WWOX: variants seen among roughly 807,000 people sequenced by gnomAD.
WWOX encodes the protein WW domain-containing oxidoreductase.
WWOX carries 69 observed loss-of-function variants against 46.2 expected under a neutral mutation model. The observed-to-expected ratio is 1.49, with a 90% CI of 1.23 to 1.82. The LOEUF (loss-of-function observed/expected upper bound fraction) is 1.82. WWOX is among the 40% of genes most tolerant of loss of function. The pLI is 0.00. For missense variants in WWOX, 919 were observed against 542.6 expected, an observed-to-expected ratio of 1.69 and a Z score of -6.89; for synonymous variants, 359 against 202.6, an observed-to-expected ratio of 1.77 and a Z score of -6.56.
At chr16:78,982,699 T>C (rs2046707106) in intron 8 of WWOX, among the ~76,000 whole-genome samples, 1 of 152,208 alleles carries the variant, frequency 6.6e-6, no homozygotes, top group African/African-American at 2.4e-5. Flanking sequence ...CTCAAACATG[T>C]ATGCTTATTT....
At chr16:78,395,212 T>G (rs1597158440) in intron 6 of WWOX, among the ~76,000 whole-genome samples, 1 of 152,186 alleles carries the variant, frequency 6.6e-6, no homozygotes, top group Admixed American at 6.5e-5. Flanking sequence ...GTGGGTCTCA[T>G]AAGGGCTTTC....
chr16:79,089,649 A>G (rs531858011), intron 8 of WWOX, among the ~76,000 whole-genome samples: 11 of 152,174 alleles, frequency 7.2e-5, no homozygotes, highest in African/African-American at 2.2e-4. Flanking sequence ...ATCTTTATAC[A>G]TAAAAAACAG....
intron 8 of WWOX, among the ~76,000 whole-genome samples, chr16:78,678,279 G>C (rs979610453): frequency 6.6e-6 from 1 of 152,212 alleles, no homozygotes; most frequent in African/African-American, 2.4e-5. Flanking sequence ...AGGAGGCTGA[G>C]ACAGGAGGAT....
chr16:79,083,140 T>G (rs879278954), intron 8 of WWOX, among the ~76,000 whole-genome samples: 1 of 152,200 alleles, frequency 6.6e-6, no homozygotes. Context: ...GAGCCCAGTG[T>G]GAGTCATTAT....
At chr16:78,872,787 C>A (rs2044155419) in intron 8 of WWOX, 1 of 152,118 alleles carries the variant, frequency 6.6e-6, no homozygotes, top group African/African-American at 2.4e-5. Flanking sequence ...TGCAGAGGCC[C>A]CTTTTATTTA....
At chr16:79,187,266 G>T (rs569872807) in intron 8 of WWOX, among the ~76,000 whole-genome samples, 1 of 152,148 alleles carries the variant, frequency 6.6e-6, no homozygotes, top group Non-Finnish European at 1.5e-5. Flanking sequence ...AAAGCTAAAC[G>T]TGCTTATCTA....
At chr16:79,209,510 T>C (rs910998408) in intron 8 of WWOX, among the ~76,000 whole-genome samples, 3 of 152,176 alleles carry the variant, frequency 2.0e-5, no homozygotes, top group African/African-American at 4.8e-5. Context: ...CATTGTGGCA[T>C]AGAGGGCGGG....
chr16:78,884,944 T>C (rs992990031), intron 8 of WWOX, among the ~76,000 whole-genome samples: 11 of 152,226 alleles, frequency 7.2e-5, no homozygotes, highest in Non-Finnish European at 1.2e-4. Context: ...CAATTCATGT[T>C]ACCCAGTCAT....
At chr16:78,663,518 C>T (rs531284280) in intron 8 of WWOX, among the ~76,000 whole-genome samples, 12 of 152,220 alleles carry the variant, frequency 7.9e-5, no homozygotes, top group Admixed American at 3.9e-4. Context: ...CTTCTATAAG[C>T]GTTGCCACAG....
At chr16:79,126,806 G>A (rs1023105073) in intron 8 of WWOX, among the ~76,000 whole-genome samples, 4 of 152,216 alleles carry the variant, frequency 2.6e-5, no homozygotes, top group African/African-American at 9.6e-5. Context: ...CAGAATGACT[G>A]GATGTCCTAT....
At chr16:78,648,322 T>A (rs1002448091) in intron 8 of WWOX, among the ~76,000 whole-genome samples, 1 of 152,182 alleles carries the variant, frequency 6.6e-6, no homozygotes, top group Non-Finnish European at 1.5e-5. Flanking sequence ...AAGGAAACGC[T>A]GGTGGGTGCT....
chr16:78,892,510 A>G (rs1038792113), intron 8 of WWOX, among the ~76,000 whole-genome samples: 1 of 152,208 alleles, frequency 6.6e-6, no homozygotes, highest in African/African-American at 2.4e-5. Context: ...TGTCCAGAAC[A>G]CATGTCAAGA....
chr16:78,503,671 A>G (rs1030384721), intron 8 of WWOX: 4 of 152,178 alleles, frequency 2.6e-5, no homozygotes, highest in African/African-American at 4.8e-5. Context: ...ACATGTGTAT[A>G]TGCATGATTT....
At chr16:78,985,895 C>T (rs866848686) in intron 8 of WWOX, among the ~76,000 whole-genome samples, 1 of 152,220 alleles carries the variant, frequency 6.6e-6, no homozygotes, top group South Asian at 2.1e-4. Flanking sequence ...TCTGCAGTCC[C>T]GTCAGCCAGG....
chr16:78,696,525 T>G lies in WWOX; in HGVS notation c.1056+263773T>G, dbSNP rs564033593. ...TACGTGGTAGGATACTCTCTCACAA[T>G]GCTAGGCCACAGCAGCGAGCTGCAG... is the stretch of plus-strand genomic sequence containing the variant. On this transcript the variant is annotated intron_variant, in intron 8 of 8. Transcript: ENST00000566780. Among the ~76,000 whole-genome samples, 18 of 152,230 alleles carry G rather than the reference T, an allele frequency of 1.2e-4. No homozygotes were observed. In the South Asian group the frequency reaches 2.1e-3, roughly 18 times the overall value.
intron 8 of WWOX, among the ~76,000 whole-genome samples, chr16:79,108,399 G>T (rs908574698): frequency 1.6e-4 from 25 of 152,176 alleles, no homozygotes; most frequent in African/African-American, 6.0e-4. Flanking sequence ...GTGTCTACCT[G>T]ACCACCCCTC....
chr16:78,210,894 A>C (rs1442348973), intron 5 of WWOX, among the ~76,000 whole-genome samples: 1 of 152,144 alleles, frequency 6.6e-6, no homozygotes, highest in Non-Finnish European at 1.5e-5. Context: ...CCTACTACCA[A>C]ATTTAGTATA....
At chr16:78,837,628 GA>G (rs1157928227) in intron 8 of WWOX, among the ~76,000 whole-genome samples, 1 of 152,116 alleles carries the variant, frequency 6.6e-6, no homozygotes, top group African/African-American at 2.4e-5. Context: ...TTCTTACCTA[GA>G]AACTGTTTAT....
intron 5 of WWOX, among the ~76,000 whole-genome samples, chr16:78,314,703 T>TTTG (rs1555517862): frequency 1.5e-5 from 1 of 64,928 alleles, no homozygotes; most frequent in African/African-American, 8.0e-5. Context: ...TTTTTTTTGT[T>TTTG]TTTTTTTTTT....
Sources: gnomAD v4.1 joint callset for allele counts (sites outside exome capture counted in the v4.1 genomes callset) on GRCh38, gnomAD v4.1.1 for gene constraint, MANE v1.5 for transcripts, NCBI Gene and HGNC (gene_info 2026-07-23, HGNC 2026-07-21) for gene names.